Variants in ENTREP2 observed in about 807,000 individuals in gnomAD.
The protein encoded by ENTREP2 is endosomal transmembrane epsin interactor 2.
the ENTREP2 span, chr15:29,126,500 G>C: frequency 1.9e-6 from 3 of 1,549,424 alleles, no homozygotes; most frequent in African/African-American, 4.1e-5. Flanking sequence ...TACTGCAAGA[G>C]AAGGGACATG....
the ENTREP2 span, among the ~76,000 whole-genome samples, chr15:29,217,641 A>C: frequency 0.015 from 2,333 of 152,116 alleles, 61 homozygotes; most frequent in African/African-American, 0.053. Flanking sequence ...TATTTCCATG[A>C]ATATTTCTCC....
At chr15:29,614,276 C>T in the ENTREP2 span, 1 of 152,632 alleles carries the variant, frequency 6.6e-6, no homozygotes, top group Non-Finnish European at 1.5e-5. Flanking sequence ...CATCGACAGT[C>T]TAGGACGCCG....
chr15:29,184,609 C>A, the ENTREP2 span, among the ~76,000 whole-genome samples: 3 of 152,126 alleles, frequency 2.0e-5, no homozygotes, highest in Admixed American at 1.3e-4. Flanking sequence ...GCCTCATGGA[C>A]TTCACTGCGG....
At chr15:29,629,536 C>T in the ENTREP2 span, among the ~76,000 whole-genome samples, 1 of 152,274 alleles carries the variant, frequency 6.6e-6, no homozygotes, top group East Asian at 1.9e-4. Context: ...CTAGTATTGA[C>T]ATTTACCATA....
At chr15:29,260,342 G>C in the ENTREP2 span, among the ~76,000 whole-genome samples, 3 of 152,090 alleles carry the variant, frequency 2.0e-5, no homozygotes, top group African/African-American at 7.2e-5. Flanking sequence ...CATTTCAGAA[G>C]ATTAAATCAT....
chr15:29,146,300 A>G, the ENTREP2 span, among the ~76,000 whole-genome samples: 17 of 152,284 alleles, frequency 1.1e-4, no homozygotes, highest in South Asian at 3.1e-3. Context: ...GAAGTTGACA[A>G]ACTCAACCTA....
chr15:29,526,652 A>G, the ENTREP2 span, among the ~76,000 whole-genome samples: 1 of 150,834 alleles, frequency 6.6e-6, no homozygotes, highest in Non-Finnish European at 1.5e-5. Context: ...TTTTTTTTTT[A>G]AAGATGGTGT....
At chr15:29,520,450 T>C in the ENTREP2 span, among the ~76,000 whole-genome samples, 1 of 152,180 alleles carries the variant, frequency 6.6e-6, no homozygotes, top group Non-Finnish European at 1.5e-5. Flanking sequence ...TCTACCTTCA[T>C]GCTTCCAAAA....
At chr15:29,606,767 A>C in the ENTREP2 span, among the ~76,000 whole-genome samples, 1 of 151,908 alleles carries the variant, frequency 6.6e-6, no homozygotes, top group East Asian at 1.9e-4. Context: ...TTTCAGTAGG[A>C]TATATCTTGA....
chr15:29,533,097 C>T, the ENTREP2 span, among the ~76,000 whole-genome samples: 1 of 152,136 alleles, frequency 6.6e-6, no homozygotes, highest in Non-Finnish European at 1.5e-5. Context: ...GGATTTCCCA[C>T]AGGATAGGCT....
chr15:29,444,195 A>AC, the ENTREP2 span, among the ~76,000 whole-genome samples: 2,259 of 139,182 alleles, frequency 0.016, 118 homozygotes, highest in East Asian at 0.022. Flanking sequence ...AGAAAGAAAG[A>AC]AAGAAAGAAA....
At chr15:29,314,389 C>A in the ENTREP2 span, among the ~76,000 whole-genome samples, 3 of 152,166 alleles carry the variant, frequency 2.0e-5, no homozygotes, top group Non-Finnish European at 2.9e-5. Context: ...ATTGCCACAG[C>A]CACCCCAACC....
chr15:29,206,898 C>T, the ENTREP2 span, among the ~76,000 whole-genome samples: 13 of 152,276 alleles, frequency 8.5e-5, no homozygotes, highest in African/African-American at 2.6e-4. Flanking sequence ...TCTGCCTAAA[C>T]GTTTTATATT....
At chr15:29,443,630 T>C in the ENTREP2 span, among the ~76,000 whole-genome samples, 2 of 151,850 alleles carry the variant, frequency 1.3e-5, no homozygotes, top group Admixed American at 6.6e-5. Flanking sequence ...TTTGCCAAGG[T>C]TGGGATGTAC....
the ENTREP2 span, among the ~76,000 whole-genome samples, chr15:29,222,805 G>C: frequency 6.6e-6 from 1 of 152,180 alleles, no homozygotes; most frequent in Non-Finnish European, 1.5e-5. Context: ...AGACAAAAAT[G>C]CCTGCCAGTT....
chr15:29,170,441 A>G, the ENTREP2 span, among the ~76,000 whole-genome samples: 1 of 152,186 alleles, frequency 6.6e-6, no homozygotes, highest in Admixed American at 6.5e-5. Context: ...ATATAGAAAA[A>G]GGTGGAAAAA....
the ENTREP2 span, among the ~76,000 whole-genome samples, chr15:29,501,272 CT>C: frequency 0.42 from 63,439 of 151,636 alleles, 13,566 homozygotes; most frequent in African/African-American, 0.5. Context: ...TGCAAACATT[CT>C]CAACAAAACA....
At chr15:29,320,578 A>C in the ENTREP2 span, among the ~76,000 whole-genome samples, 1 of 152,202 alleles carries the variant, frequency 6.6e-6, no homozygotes, top group Admixed American at 6.5e-5. Context: ...GGAAGGACTA[A>C]ATGGGGTATT....
the ENTREP2 span, among the ~76,000 whole-genome samples, chr15:29,613,044 C>T: frequency 1.3e-5 from 2 of 152,120 alleles, no homozygotes; most frequent in African/African-American, 2.4e-5. Flanking sequence ...AGAATTTGCA[C>T]GTGGGCCCCA....
Sources: gnomAD v4.1 joint callset for allele counts (sites outside exome capture counted in the v4.1 genomes callset) on GRCh38, gnomAD v4.1.1 for gene constraint, MANE v1.5 for transcripts, NCBI Gene and HGNC (gene_info 2026-07-23, HGNC 2026-07-21) for gene names.